The following HDAC9 variants were observed in gnomAD, a reference collection of about 807,000 sequenced individuals.
The protein encoded by HDAC9 is histone deacetylase 9, also known as MEF-2 interacting transcription repressor (MITR) protein.
HDAC9 carries 41 observed loss-of-function variants against 139.4 expected under a neutral mutation model. The observed-to-expected ratio is 0.29, with a 90% CI of 0.23 to 0.38. The LOEUF (loss-of-function observed/expected upper bound fraction) is 0.38. Among genes scored for constraint, HDAC9 ranks in the 10% least tolerant of loss-of-function variants. HDAC9 has a pLI of 1.00. For missense variants in HDAC9, 1,147 were observed against 1,297.0 expected, an observed-to-expected ratio of 0.88 and a Z score of 1.78; for synonymous variants, 517 against 476.2, an observed-to-expected ratio of 1.09 and a Z score of -1.12.
At chr7:18,418,716 A>G (rs1464074466) in intron 1 of HDAC9, among the ~76,000 whole-genome samples, 2 of 152,064 alleles carry the variant, frequency 1.3e-5, no homozygotes, top group African/African-American at 2.4e-5. Flanking sequence ...ATGAAAGCTG[A>G]TGAATCGTAA....
intron 2 of HDAC9, among the ~76,000 whole-genome samples, chr7:18,504,223 A>C (rs988218452): frequency 6.6e-6 from 1 of 152,162 alleles, no homozygotes; most frequent in Admixed American, 6.5e-5. Context: ...TTAAGTTAGA[A>C]AGTTATCACC....
intron 1 of HDAC9, among the ~76,000 whole-genome samples, chr7:18,156,088 G>A (rs943529083): frequency 1.3e-5 from 2 of 152,150 alleles, no homozygotes; most frequent in African/African-American, 4.8e-5. Context: ...AGGGAAACGA[G>A]TATCCTTACA....
chr7:18,829,749 C>T (rs1938214903), intron 19 of HDAC9, among the ~76,000 whole-genome samples: 1 of 152,210 alleles, frequency 6.6e-6, no homozygotes, highest in African/African-American at 2.4e-5. Flanking sequence ...ATGGTGTTAA[C>T]TGCAATTTAA....
intron 16 of HDAC9, among the ~76,000 whole-genome samples, chr7:18,776,243 A>G (rs1392506034): frequency 3.3e-5 from 5 of 151,966 alleles, no homozygotes; most frequent in Non-Finnish European, 7.4e-5. Context: ...GTGCCTGGCA[A>G]ATTCTCATTC....
intron 1 of HDAC9, among the ~76,000 whole-genome samples, chr7:18,305,059 T>A (rs1407912019): frequency 6.6e-6 from 1 of 152,206 alleles, no homozygotes; most frequent in Non-Finnish European, 1.5e-5. Flanking sequence ...GCTCACACAC[T>A]CTTCCTTCAG....
At chr7:18,685,626 A>G (rs1782213979) in intron 12 of HDAC9, among the ~76,000 whole-genome samples, 2 of 152,020 alleles carry the variant, frequency 1.3e-5, no homozygotes, top group Admixed American at 6.6e-5. Flanking sequence ...ACTAGTAGAA[A>G]AAAGATTTGT....
intron 2 of HDAC9, among the ~76,000 whole-genome samples, chr7:18,169,894 A>G (rs947476927): frequency 5.9e-5 from 9 of 152,142 alleles, no homozygotes; most frequent in Non-Finnish European, 1.2e-4. Context: ...AGTCTTTGCT[A>G]TTGCGAATAG....
At chr7:18,793,617 G>T (rs1792525241) in intron 17 of HDAC9, among the ~76,000 whole-genome samples, 165 bp downstream of exon 17, 1 of 152,190 alleles carries the variant, frequency 6.6e-6, no homozygotes, top group Non-Finnish European at 1.5e-5. Context: ...TCTGTAGGCA[G>T]GGAGCAGCTC....
intron 25 of HDAC9, among the ~76,000 whole-genome samples, chr7:18,983,166 ACTTTAGAT>A (rs1168818130): frequency 4.6e-5 from 7 of 152,138 alleles, no homozygotes; most frequent in Non-Finnish European, 1.0e-4. Context: ...GAGTTTGACT[ACTTTAGAT>A]ACTTCATATA....
At chr7:18,544,269 A>G (rs1814002935) in intron 2 of HDAC9, among the ~76,000 whole-genome samples, 1 of 152,224 alleles carries the variant, frequency 6.6e-6, no homozygotes, top group Non-Finnish European at 1.5e-5. Flanking sequence ...TAGGTTTGGT[A>G]TAGGTTAAAG....
intron 1 of HDAC9, among the ~76,000 whole-genome samples, chr7:18,441,913 G>C (rs184183152): frequency 6.6e-6 from 1 of 152,088 alleles, no homozygotes; most frequent in African/African-American, 2.4e-5. Flanking sequence ...GACTACGGGC[G>C]CCCGCTACCA....
intron 12 of HDAC9, among the ~76,000 whole-genome samples, chr7:18,726,310 T>C: frequency 6.6e-6 from 1 of 152,120 alleles, no homozygotes; most frequent in East Asian, 1.9e-4. Context: ...AAATACAGGA[T>C]GAGTATGACC....
intron 17 of HDAC9, among the ~76,000 whole-genome samples, chr7:18,826,383 AG>A (rs5882679): frequency 0.16 from 23,608 of 152,072 alleles, 3,736 homozygotes; most frequent in African/African-American, 0.4. Context: ...AGCTAAGGAA[AG>A]GGGGGCACTC....
chr7:18,415,202 A>G (rs1414774891), intron 1 of HDAC9, among the ~76,000 whole-genome samples: 1 of 152,196 alleles, frequency 6.6e-6, no homozygotes, highest in Non-Finnish European at 1.5e-5. Context: ...GTAGAACACG[A>G]TGCTGATAGA....
chr7:18,428,937 A>G (rs960881356), intron 1 of HDAC9: 10 of 152,302 alleles, frequency 6.6e-5, no homozygotes, highest in African/African-American at 2.2e-4. Flanking sequence ...TCATCTCCAG[A>G]TATCTGTGTA....
intron 1 of HDAC9, among the ~76,000 whole-genome samples, chr7:18,433,212 C>T (rs1460949266): frequency 6.6e-6 from 1 of 151,968 alleles, no homozygotes; most frequent in South Asian, 2.1e-4. Context: ...TATTAAAATC[C>T]CTCAACAAAC....
At chr7:18,602,110 G>A (rs1438118041) in intron 6 of HDAC9, among the ~76,000 whole-genome samples, 2 of 152,002 alleles carry the variant, frequency 1.3e-5, no homozygotes, top group Non-Finnish European at 2.9e-5. Context: ...TTTTTGGAAG[G>A]TTATTAATTA....
At chr7:18,349,225 TCTTGC>T (rs2128671229) in intron 1 of HDAC9, among the ~76,000 whole-genome samples, 1 of 151,890 alleles carries the variant, frequency 6.6e-6, no homozygotes, top group Non-Finnish European at 1.5e-5. Context: ...CTTGAAACTG[TCTTGC>T]CTTAGGTAAG....
At chr7:18,459,956 T>G (rs1793689328) in intron 1 of HDAC9, among the ~76,000 whole-genome samples, 1 of 151,858 alleles carries the variant, frequency 6.6e-6, no homozygotes. Context: ...TTTTTTTTTT[T>G]TTTTCGAGAC....
Sources: allele counts gnomAD v4.1 joint callset (sites outside exome capture counted in the v4.1 genomes callset), GRCh38; gene constraint gnomAD v4.1.1; transcripts MANE v1.5; gene names NCBI Gene and HGNC (gene_info 2026-07-23, HGNC 2026-07-21).